The following DRC9 variants were observed in gnomAD, a reference collection of about 807,000 sequenced individuals.
DRC9 encodes the protein dynein regulatory complex subunit 9.
At chr3:197,946,232 G>A in the DRC9 span, among the ~76,000 whole-genome samples, 2 of 151,212 alleles carry the variant, frequency 1.3e-5, no homozygotes, top group Admixed American at 1.3e-4. Context: ...TCAGGAGATC[G>A]AGACCATCCT....
chr3:197,924,739 C>T, the DRC9 span, among the ~76,000 whole-genome samples: 4 of 152,152 alleles, frequency 2.6e-5, no homozygotes, highest in African/African-American at 7.2e-5. Context: ...AGGATGGTCT[C>T]GATCTCTTAA....
the DRC9 span, chr3:197,958,775 GTATGTTTT>G: frequency 6.6e-6 from 1 of 152,190 alleles, no homozygotes; most frequent in African/African-American, 2.4e-5. Flanking sequence ...AATAATAAAT[GTATGTTTT>G]TATGTTTTTC....
chr3:197,950,069 C>T, the DRC9 span: 2 of 1,144,162 alleles, frequency 1.7e-6, no homozygotes, highest in African/African-American at 1.6e-5. Flanking sequence ...TTGAATGTGG[C>T]TTATTTCAGT....
At chr3:197,932,134 T>G in the DRC9 span, 1 of 1,596,962 alleles carries the variant, frequency 6.3e-7, no homozygotes, top group Non-Finnish European at 8.5e-7. Flanking sequence ...TTTAGCACTT[T>G]AAAATACAGC....
chr3:197,957,396 G>T, the DRC9 span: 1 of 152,274 alleles, frequency 6.6e-6, no homozygotes, highest in Non-Finnish European at 1.5e-5. Context: ...TTGGAGTCCC[G>T]TGCTTCGTGG....
the DRC9 span, chr3:197,960,059 C>A: frequency 1.6e-6 from 1 of 625,380 alleles, no homozygotes; most frequent in Non-Finnish European, 2.7e-6. Flanking sequence ...CGGCTTCGCG[C>A]CACGAGACGC....
chr3:197,950,109 T>G, the DRC9 span: 1 of 1,231,406 alleles, frequency 8.1e-7, no homozygotes, highest in Non-Finnish European at 1.0e-6. Context: ...ATTGTTTTTC[T>G]GGCGTTTGGA....
chr3:197,912,986 G>A, the DRC9 span: 6 of 481,266 alleles, frequency 1.2e-5, no homozygotes, highest in East Asian at 1.9e-4. Context: ...GAACAGAGGT[G>A]CCCACTGAAG....
chr3:197,919,971 G>A, the DRC9 span, among the ~76,000 whole-genome samples: 2 of 151,786 alleles, frequency 1.3e-5, no homozygotes, highest in East Asian at 1.9e-4. Context: ...AGGCTGAGGC[G>A]GGTGGATCAC....
chr3:197,942,576 C>T, the DRC9 span, among the ~76,000 whole-genome samples: 2,924 of 151,474 alleles, frequency 0.019, 98 homozygotes, highest in African/African-American at 0.068. Flanking sequence ...AAGCAATTTA[C>T]CCTCTTATTT....
At chr3:197,955,261 GTTTTTC>G in the DRC9 span, among the ~76,000 whole-genome samples, 2 of 151,060 alleles carry the variant, frequency 1.3e-5, no homozygotes, top group Admixed American at 6.6e-5. Flanking sequence ...TTCAGTACAT[GTTTTTC>G]TTTTTCTTTT....
the DRC9 span, chr3:197,957,191 A>G: frequency 6.6e-6 from 1 of 152,168 alleles, no homozygotes; most frequent in Non-Finnish European, 1.5e-5. Context: ...GAGTGGGAAT[A>G]CTGTCCAGCT....
the DRC9 span, chr3:197,950,062 A>C: frequency 1.9e-6 from 2 of 1,080,012 alleles, no homozygotes; most frequent in Non-Finnish European, 2.4e-6. Flanking sequence ...AGTGCTATTG[A>C]ATGTGGCTTA....
At chr3:197,932,974 ATATTG>A in the DRC9 span, among the ~76,000 whole-genome samples, 1 of 134,118 alleles carries the variant, frequency 7.5e-6, no homozygotes, top group Non-Finnish European at 1.6e-5. Flanking sequence ...ATATTATATT[ATATTG>A]TATTATATAT....
the DRC9 span, among the ~76,000 whole-genome samples, chr3:197,907,151 T>C: frequency 0.39 from 59,684 of 152,018 alleles, 16,373 homozygotes; most frequent in African/African-American, 0.79. Flanking sequence ...CACCTGCCTA[T>C]GTAGGAAAGC....
the DRC9 span, among the ~76,000 whole-genome samples, chr3:197,922,043 G>A: frequency 1.3e-5 from 2 of 151,856 alleles, no homozygotes; most frequent in Non-Finnish European, 2.9e-5. Flanking sequence ...CAGTAACTCT[G>A]GGGATTTCAC....
chr3:197,928,441 C>T, the DRC9 span, among the ~76,000 whole-genome samples: 1 of 151,186 alleles, frequency 6.6e-6, no homozygotes, highest in Non-Finnish European at 1.5e-5. Context: ...CTCCACCTCT[C>T]GGGTTCAAGC....
the DRC9 span, among the ~76,000 whole-genome samples, chr3:197,923,488 G>T: frequency 6.6e-6 from 1 of 152,100 alleles, no homozygotes; most frequent in Non-Finnish European, 1.5e-5. Flanking sequence ...TAGCGTTATG[G>T]GGGGGCCAAG....
the DRC9 span, chr3:197,945,606 A>T: frequency 6.4e-7 from 1 of 1,568,184 alleles, no homozygotes; most frequent in Non-Finnish European, 8.7e-7. Flanking sequence ...AAAACATTGG[A>T]ATTTTAAACA....
Sources: gnomAD v4.1 joint callset for allele counts (sites outside exome capture counted in the v4.1 genomes callset) on GRCh38, gnomAD v4.1.1 for gene constraint, MANE v1.5 for transcripts, NCBI Gene and HGNC (gene_info 2026-07-23, HGNC 2026-07-21) for gene names.